The following PDE11A variants were observed in gnomAD, a reference collection of about 807,000 sequenced individuals.
PDE11A encodes the protein phosphodiesterase 11A.
PDE11A carries 100 observed loss-of-function variants against 100.5 expected under a neutral mutation model. The observed-to-expected ratio is 1.00, with a 90% confidence interval of 0.85 to 1.18. The LOEUF is 1.18. PDE11A is among the 50% of genes most tolerant of loss of function. PDE11A has a pLI of 0.00. For synonymous variants in PDE11A, 381 were observed against 420.8 expected (o/e 0.91, Z 1.16); for missense variants, 1,141 against 1,152.6 (o/e 0.99, Z 0.15).
At chr2:177,798,607 T>G (rs1241559945) in intron 9 of PDE11A, among the ~76,000 whole-genome samples, 1 of 152,214 alleles carries the variant, frequency 6.6e-6, no homozygotes, top group Non-Finnish European at 1.5e-5. Flanking sequence ...TAAGTTCTTT[T>G]TTGTTGCTGT....
At chr2:177,962,365 T>C (rs1180565140) in intron 2 of PDE11A, among the ~76,000 whole-genome samples, 1 of 152,106 alleles carries the variant, frequency 6.6e-6, no homozygotes, top group African/African-American at 2.4e-5. Flanking sequence ...TAGTCACAGT[T>C]TGTAGTTATA....
intron 2 of PDE11A, among the ~76,000 whole-genome samples, chr2:177,951,746 T>C (rs1055587589): frequency 6.6e-6 from 1 of 152,176 alleles, no homozygotes; most frequent in African/African-American, 2.4e-5. Flanking sequence ...TCTTCTATAA[T>C]GGGCAGTAAG....
chr2:177,863,206 A>G (rs2083972077), intron 5 of PDE11A, among the ~76,000 whole-genome samples: 1 of 152,014 alleles, frequency 6.6e-6, no homozygotes, highest in African/African-American at 2.4e-5. Context: ...ACCTAAATAT[A>G]AGACCAAAAA....
At chr2:178,036,722 T>C (rs189283992) in intron 1 of PDE11A, among the ~76,000 whole-genome samples, 1 of 151,972 alleles carries the variant, frequency 6.6e-6, no homozygotes, top group Non-Finnish European at 1.5e-5. Context: ...ACACCACACA[T>C]CTACAATCAT....
intron 10 of PDE11A, among the ~76,000 whole-genome samples, chr2:177,754,610 C>T (rs2082066529): frequency 6.6e-6 from 1 of 152,220 alleles, no homozygotes; most frequent in Non-Finnish European, 1.5e-5. Flanking sequence ...ACCTTCAAGT[C>T]CAAAAATCCA....
In PDE11A at chr2:177,840,171, G is replaced by A. The variant is rs2105623056; in HGVS notation, c.1500+80C>T. 2.2e-6 allele frequency: 3 copies of A among 1,385,738 alleles called. No individual in the cohort carries two copies. The Admixed American group carries it at 5.1e-5, about 23-fold the overall frequency. 85.8% of individuals were successfully genotyped at this position (1,385,738 alleles called of 1,614,324 possible). On this transcript the variant is annotated intron_variant, in intron 6 of 19. Coordinates refer to ENST00000286063, the MANE Select transcript of PDE11A (RefSeq NM_016953.4). ...AAGGATGCAAAAGAATTGCTGGTAA[G>A]TATTCCTTTTTGTGTTTCAACTGTT... is the stretch of plus-strand genomic sequence containing the variant.
chr2:177,978,876 T>G, intron 2 of PDE11A, among the ~76,000 whole-genome samples: 1 of 101,098 alleles, frequency 9.9e-6, no homozygotes, highest in Admixed American at 1.0e-4. Flanking sequence ...AATTGAACAA[T>G]GAGATCACAT....
intron 2 of PDE11A, among the ~76,000 whole-genome samples, chr2:177,990,294 T>C (rs962486502): frequency 6.6e-6 from 1 of 152,204 alleles, no homozygotes; most frequent in African/African-American, 2.4e-5. Context: ...ATATCGGACT[T>C]TGTGGTTCCT....
At chr2:177,906,856 C>CT (rs1253183174) in intron 2 of PDE11A, among the ~76,000 whole-genome samples, 5 of 152,214 alleles carry the variant, frequency 3.3e-5, no homozygotes, top group Non-Finnish European at 7.3e-5. Flanking sequence ...AGAGCAAGCA[C>CT]TTTCCTTGTA....
At chr2:177,948,047 T>C (rs2085465441) in intron 2 of PDE11A, among the ~76,000 whole-genome samples, 1 of 152,042 alleles carries the variant, frequency 6.6e-6, no homozygotes, top group African/African-American at 2.4e-5. Flanking sequence ...CCTTTTTTTT[T>C]TAACAGAGTC....
intron 10 of PDE11A, among the ~76,000 whole-genome samples, chr2:177,743,282 A>G (rs1229415726): frequency 2.0e-5 from 3 of 152,244 alleles, no homozygotes; most frequent in Non-Finnish European, 4.4e-5. Context: ...TTAGCACCAC[A>G]CAAAGGTTAA....
intron 1 of PDE11A, among the ~76,000 whole-genome samples, chr2:178,038,529 T>A (rs2086644667): frequency 6.6e-6 from 1 of 151,960 alleles, no homozygotes; most frequent in Admixed American, 6.6e-5. Context: ...AAGGAGCTCC[T>A]ACAAATCAAT....
In PDE11A at chr2:177,629,006, T is replaced by A; in HGVS notation, c.*401A>T. 4.8e-6 allele frequency: 1 copy of A among 209,818 alleles called. No homozygotes were observed. Among genetic ancestry groups the A allele is most frequent in the Non-Finnish European group, 9.8e-6 (1 of 102,382 alleles). The allele number at this position is 209,818 out of a possible 1,614,324, so 13.0% of individuals were successfully genotyped here. A position where few individuals can be genotyped will look rare whatever the true frequency, so the allele number is the denominator to read the frequency against. On this transcript the variant is annotated 3_prime_UTR_variant, in exon 20 of 20. Transcript: ENST00000286063. ...GGACAGGAAGCAAAGACAGGCAGTG[T>A]TTGGCTTGTAACAAACAGAAAAGCC...
chr2:177,769,993 A>G (rs2082290773), intron 9 of PDE11A, among the ~76,000 whole-genome samples: 1 of 152,028 alleles, frequency 6.6e-6, no homozygotes, highest in South Asian at 2.1e-4. Flanking sequence ...GAAAAGCTAG[A>G]GCATGTGTGT....
At chr2:177,733,967 T>C (rs2081732777) in intron 10 of PDE11A, among the ~76,000 whole-genome samples, 1 of 152,248 alleles carries the variant, frequency 6.6e-6, no homozygotes, top group South Asian at 2.1e-4. Flanking sequence ...GATTTGAACC[T>C]GGGGAGCTTT....
chr2:178,049,955 C>T (rs993571948), intron 1 of PDE11A, among the ~76,000 whole-genome samples: 1 of 152,202 alleles, frequency 6.6e-6, no homozygotes, highest in African/African-American at 2.4e-5. Context: ...GCAGCAGAAG[C>T]TTCTGCAGAC....
At chr2:178,102,736 A>G (rs1025953290) in intron 2 of PDE11A, among the ~76,000 whole-genome samples, 1 of 152,054 alleles carries the variant, frequency 6.6e-6, no homozygotes, top group African/African-American at 2.4e-5. Context: ...TTATGTATTT[A>G]TTTTATATGT....
At chr2:178,011,280 G>A (rs1227390613) in intron 2 of PDE11A, among the ~76,000 whole-genome samples, 1 of 152,078 alleles carries the variant, frequency 6.6e-6, no homozygotes, top group Non-Finnish European at 1.5e-5. Context: ...AGGGAAGGTG[G>A]CGGTCATTGA....
chr2:177,769,635 C>T (rs1025900006), intron 9 of PDE11A, among the ~76,000 whole-genome samples: 3 of 152,120 alleles, frequency 2.0e-5, no homozygotes, highest in African/African-American at 7.2e-5. Context: ...CGCCTGTAAT[C>T]CCAGCATTTG....
Sources: allele counts gnomAD v4.1 joint callset (sites outside exome capture counted in the v4.1 genomes callset), GRCh38; gene constraint gnomAD v4.1.1; transcripts MANE v1.5; gene names NCBI Gene and HGNC (gene_info 2026-07-23, HGNC 2026-07-21).